Variants in FARS2 observed in about 807,000 individuals in gnomAD.
The protein encoded by FARS2 is phenylalanyl-tRNA synthetase 2, mitochondrial.
Under a neutral mutation model 46.4 loss-of-function variants are expected in FARS2, and 40 were observed. That is an observed-to-expected ratio of 0.86 (90% CI 0.67 to 1.12). The LOEUF (loss-of-function observed/expected upper bound fraction) is 1.12, where lower values mean the gene tolerates loss of function less well. Among genes scored for constraint, FARS2 ranks in the 50% most tolerant of loss-of-function variants. The probability of loss-of-function intolerance (pLI) is 0.00; values close to 1 mark genes in which losing one functional copy is unlikely to be tolerated. For missense variants in FARS2, 513 were observed against 567.9 expected (o/e 0.90, Z 0.98); for synonymous variants, 234 against 214.9 (o/e 1.09, Z -0.78).
intron 4 of FARS2, among the ~76,000 whole-genome samples, chr6:5,473,976 A>G (rs1439929255): frequency 6.6e-6 from 1 of 152,210 alleles, no homozygotes; most frequent in African/African-American, 2.4e-5. Context: ...CAGTCTATCC[A>G]TGAATGATTT....
At chr6:5,614,479 G>T (rs1337050494) in intron 6 of FARS2, among the ~76,000 whole-genome samples, 4 of 149,362 alleles carry the variant, frequency 2.7e-5, no homozygotes, top group African/African-American at 5.0e-5. Flanking sequence ...ATGCGATCTC[G>T]GCTCACTGCA....
chr6:5,754,566 C>T (rs959621441), intron 6 of FARS2, among the ~76,000 whole-genome samples: 1 of 152,182 alleles, frequency 6.6e-6, no homozygotes, highest in African/African-American at 2.4e-5. Context: ...GTTCATTTTC[C>T]TTTTTCCTGA....
At chr6:5,294,655 G>T (rs1767730656) in intron 1 of FARS2, among the ~76,000 whole-genome samples, 1 of 152,134 alleles carries the variant, frequency 6.6e-6, no homozygotes, top group African/African-American at 2.4e-5. Context: ...AGGCTCACAG[G>T]ACTCAGGGGA....
chr6:5,447,412 A>G (rs1764243803), intron 4 of FARS2, among the ~76,000 whole-genome samples: 1 of 152,206 alleles, frequency 6.6e-6, no homozygotes, highest in Non-Finnish European at 1.5e-5. Flanking sequence ...ATACTCTGCC[A>G]CTGATACCCT....
At chr6:5,488,157 T>C (rs974692386) in intron 4 of FARS2, among the ~76,000 whole-genome samples, 24 of 152,236 alleles carry the variant, frequency 1.6e-4, no homozygotes, top group African/African-American at 5.8e-4. Context: ...GACCCTTTTT[T>C]ACCTCTGTCT....
intron 2 of FARS2, among the ~76,000 whole-genome samples, chr6:5,370,358 G>T (rs905512902): frequency 2.6e-5 from 4 of 151,720 alleles, no homozygotes; most frequent in African/African-American, 9.7e-5. Context: ...GATCTCGGGG[G>T]ATCTCAAATG....
chr6:5,397,323 G>T (rs781680625), intron 2 of FARS2, among the ~76,000 whole-genome samples: 1 of 152,180 alleles, frequency 6.6e-6, no homozygotes, highest in African/African-American at 2.4e-5. Flanking sequence ...GCTGAGCGTA[G>T]AAGATTTTTA....
At chr6:5,254,239 C>T in the FARS2 span, among the ~76,000 whole-genome samples, 1 of 152,206 alleles carries the variant, frequency 6.6e-6, no homozygotes, top group Non-Finnish European at 1.5e-5. Context: ...ACGAATTGGC[C>T]TCATCCGCCA....
chr6:5,592,739 T>C lies in FARS2; in HGVS notation c.1066-20430T>C, dbSNP rs113006262. ...CAGCAGACGCCGTCTCTGATGTTGA[T>C]ATACCCTGCTTTGTCTCCCCTCGCT... is the stretch of plus-strand genomic sequence containing the variant. On this transcript the variant is annotated intron_variant, in intron 5 of 6. Transcript: ENST00000274680. Among the ~76,000 whole-genome samples the C allele has an allele frequency of 8.5e-3, 1,299 of 152,352 alleles. 26 individuals are homozygous for C. The highest frequency in any genetic ancestry group is 0.029 in the African/African-American group (1,204 of 41,584).
chr6:5,561,342 A>G lies in FARS2; in HGVS notation c.1065+16002A>G, dbSNP rs148898840. On this transcript the variant is annotated intron_variant, in intron 5 of 6. Coordinates refer to ENST00000274680, the MANE Select transcript of FARS2 (RefSeq NM_006567.5). ...TCTTAATGAAGTATATTGTTTGAGT[A>G]TTTGTTTCTGTGAGGGGTTATGAGT... Among the ~76,000 whole-genome samples the G allele has an allele frequency of 6.3e-4, 95 of 151,962 alleles. 1 individual carries two copies. In the East Asian group the frequency reaches 0.015, roughly 23 times the overall value.
Position 5,463,772 on chromosome 6 carries a change from C to T in FARS2, c.904+32600C>T, listed in dbSNP as rs149235551. Among the ~76,000 whole-genome samples, 1,055 of 151,866 alleles carry T rather than the reference C, an allele frequency of 6.9e-3. 10 individuals are homozygous for T. The highest frequency in any genetic ancestry group is 0.037 in the Middle Eastern group (11 of 294). On this transcript the variant is annotated intron_variant, in intron 4 of 6. Coordinates refer to ENST00000274680, the MANE Select transcript of FARS2 (RefSeq NM_006567.5). ...TCTGTTGCCCTGTGCATGAAAATTG[C>T]TTGGTGGATTCTGCATAGTGAGTCC...
chr6:5,719,433 G>GAAAGAGA (rs1759733817), intron 6 of FARS2, among the ~76,000 whole-genome samples: 5 of 13,608 alleles, frequency 3.7e-4, no homozygotes, highest in African/African-American at 1.2e-3. Flanking sequence ...GAAAAAGAAA[G>GAAAGAGA]GAAAGAAAGA....
chr6:5,414,031 A>G (rs1403809579), intron 3 of FARS2, among the ~76,000 whole-genome samples: 1 of 152,186 alleles, frequency 6.6e-6, no homozygotes, highest in Non-Finnish European at 1.5e-5. Context: ...TCACAATAAA[A>G]CAAACAACTA....
chr6:5,409,460 G>T (rs1346913065), intron 3 of FARS2, among the ~76,000 whole-genome samples: 4 of 151,468 alleles, frequency 2.6e-5, no homozygotes, highest in Non-Finnish European at 4.4e-5. Context: ...AAAAAAAAAA[G>T]AAACTTAAAT....
chr6:5,302,395 A>G (rs1001286213), intron 1 of FARS2, among the ~76,000 whole-genome samples: 2 of 152,278 alleles, frequency 1.3e-5, no homozygotes, highest in East Asian at 3.9e-4. Flanking sequence ...CCCTTGTGTC[A>G]GAGAGTCGCA....
intron 6 of FARS2, among the ~76,000 whole-genome samples, chr6:5,648,332 G>T (rs1465696620): frequency 6.6e-6 from 1 of 152,188 alleles, no homozygotes; most frequent in African/African-American, 2.4e-5. Context: ...AGTCTCTGCT[G>T]TCACTTACTG....
intron 5 of FARS2, among the ~76,000 whole-genome samples, chr6:5,595,906 C>A (rs775892485): frequency 1.3e-5 from 2 of 152,102 alleles, no homozygotes; most frequent in Non-Finnish European, 2.9e-5. Flanking sequence ...TGAGTTGTAG[C>A]GGCTGAGTGA....
chr6:5,443,700 G>A (rs925684879), intron 4 of FARS2, among the ~76,000 whole-genome samples: 7 of 152,220 alleles, frequency 4.6e-5, no homozygotes, highest in Admixed American at 2.6e-4. Context: ...ACAGGTGGTG[G>A]TTGTTGCATG....
At chr6:5,763,185 A>C (rs900062704) in intron 6 of FARS2, among the ~76,000 whole-genome samples, 2 of 152,068 alleles carry the variant, frequency 1.3e-5, no homozygotes, top group Admixed American at 1.3e-4. Context: ...GGCCCATCCT[A>C]GCCTTGCCCT....
Sources: gnomAD v4.1 joint callset for allele counts (sites outside exome capture counted in the v4.1 genomes callset) on GRCh38, gnomAD v4.1.1 for gene constraint, MANE v1.5 for transcripts, NCBI Gene and HGNC (gene_info 2026-07-23, HGNC 2026-07-21) for gene names.